Variants in N4BP2L2 observed in about 807,000 individuals in gnomAD.
N4BP2L2 encodes the protein NEDD4-binding protein 2-like 2.
In N4BP2L2, 50 loss-of-function variants were observed where a neutral mutation model predicts 56.2. The ratio of observed to expected loss-of-function variants is 0.89; its 90% CI spans 0.71 to 1.13. N4BP2L2 has a LOEUF of 1.13. N4BP2L2 is among the 50% of genes most tolerant of loss of function. The pLI is 0.00. For missense variants in N4BP2L2, 689 were observed against 693.8 expected (o/e 0.99, Z 0.08); for synonymous variants, 203 against 223.6 (o/e 0.91, Z 0.82).
intron 6 of N4BP2L2, among the ~76,000 whole-genome samples, chr13:32,473,809 T>G (rs916221757): frequency 2.0e-5 from 3 of 152,228 alleles, no homozygotes; most frequent in Non-Finnish European, 4.4e-5. Context: ...TCATCCACTT[T>G]TAAGGACCCT....
chr13:32,487,161 T>C (rs1489827132), intron 6 of N4BP2L2, among the ~76,000 whole-genome samples: 1 of 151,970 alleles, frequency 6.6e-6, no homozygotes, highest in Non-Finnish European at 1.5e-5. Context: ...ACCCCATCAC[T>C]AAAACAATTT....
At chr13:32,473,485 G>A (rs1172882788) in intron 6 of N4BP2L2, among the ~76,000 whole-genome samples, 1 of 152,156 alleles carries the variant, frequency 6.6e-6, no homozygotes, top group East Asian at 1.9e-4. Flanking sequence ...TATTGCTGCT[G>A]TAATAAGTGA....
At chr13:32,519,339 G>C (rs1235437203) in intron 5 of N4BP2L2, among the ~76,000 whole-genome samples, 1 of 151,832 alleles carries the variant, frequency 6.6e-6, no homozygotes, top group African/African-American at 2.4e-5. Flanking sequence ...AGTCCAGGAG[G>C]AAGAGGTTGC....
At chr13:32,538,816 G>T, upstream of N4BP2L2, 1 of 985,366 alleles carries the variant, frequency 1.0e-6, no homozygotes, top group Non-Finnish European at 1.2e-6. Context: ...CGGTTACCCA[G>T]GCCAAAACTA....
intron 6 of N4BP2L2, among the ~76,000 whole-genome samples, chr13:32,455,744 G>A (rs928293334): frequency 5.3e-5 from 8 of 152,090 alleles, no homozygotes; most frequent in Non-Finnish European, 1.2e-4. Flanking sequence ...ACTACCCTGG[G>A]GCCTGAGGAT....
intron 6 of N4BP2L2, among the ~76,000 whole-genome samples, chr13:32,451,028 C>T (rs2077921943): frequency 6.6e-6 from 1 of 151,852 alleles, no homozygotes; most frequent in African/African-American, 2.4e-5. Context: ...AAATGTGATA[C>T]TTAAAGGGAT....
chr13:32,481,799 T>C (rs1017155164), intron 6 of N4BP2L2, among the ~76,000 whole-genome samples: 13 of 152,220 alleles, frequency 8.5e-5, no homozygotes, highest in African/African-American at 3.1e-4. Context: ...TGTAAATACC[T>C]GACTCAGTCT....
At chr13:32,458,044 GTTTTGTTTTGTT>G (rs941196975) in intron 6 of N4BP2L2, among the ~76,000 whole-genome samples, 24 of 151,928 alleles carry the variant, frequency 1.6e-4, no homozygotes, top group Non-Finnish European at 2.4e-4. Flanking sequence ...TTTTTGTTTT[GTTTTGTTTTGTT>G]TTTTGTTTTG....
chr13:32,444,261 T>G, intron 6 of N4BP2L2: 1 of 613,538 alleles, frequency 1.6e-6, no homozygotes, highest in East Asian at 3.3e-5. Flanking sequence ...ACGTACTTTT[T>G]CTTTGTTTGT....
chr13:32,536,918 T>C, exon 2 of N4BP2L2: 4 of 1,614,112 alleles, frequency 2.5e-6, no homozygotes, highest in South Asian at 2.2e-5. Context: ...ATTACTATGA[T>C]TGTGAAAAAC....
chr13:32,474,703 C>G (rs975658900), intron 6 of N4BP2L2, among the ~76,000 whole-genome samples: 29 of 151,944 alleles, frequency 1.9e-4, no homozygotes, highest in African/African-American at 7.0e-4. Context: ...CCAGCCACCG[C>G]ACTAAAATAA....
intron 7 of N4BP2L2, among the ~76,000 whole-genome samples, chr13:32,441,825 C>T (rs999373985): frequency 2.7e-5 from 4 of 149,646 alleles, no homozygotes; most frequent in African/African-American, 7.3e-5. Flanking sequence ...GGGCGGATCA[C>T]GAGGTCAGGA....
chr13:32,455,858 A>C (rs1012067028), intron 6 of N4BP2L2, among the ~76,000 whole-genome samples: 1 of 152,110 alleles, frequency 6.6e-6, no homozygotes, highest in Admixed American at 6.5e-5. Context: ...CACCCACTCA[A>C]ATGTCCCACC....
chr13:32,536,425 T>C, exon 2 of N4BP2L2: 2 of 1,613,934 alleles, frequency 1.2e-6, no homozygotes, highest in Middle Eastern at 1.6e-4. Context: ...GAACAAATTG[T>C]TCCTGAGAAG....
chr13:32,512,988 C>T (rs892013578), exon 6 of N4BP2L2: 2 of 151,404 alleles, frequency 1.3e-5, no homozygotes, highest in Non-Finnish European at 2.9e-5. Flanking sequence ...GCCAAGATCG[C>T]GCCACTGGAC....
At chr13:32,484,954 T>G (rs7989796) in intron 6 of N4BP2L2, among the ~76,000 whole-genome samples, 8,721 of 152,228 alleles carry the variant, frequency 0.057, 846 homozygotes, top group African/African-American at 0.2. Flanking sequence ...AGAACACATT[T>G]ATAAAGAATA....
chr13:32,517,739 A>T, exon 6 of N4BP2L2: 1 of 1,580,288 alleles, frequency 6.3e-7, no homozygotes, highest in Non-Finnish European at 8.6e-7. Flanking sequence ...CTTAAACTCC[A>T]AGACAGGCTC....
At chr13:32,532,889 C>CT (rs35143353) in intron 2 of N4BP2L2, among the ~76,000 whole-genome samples, 90,756 of 145,536 alleles carry the variant, frequency 0.62, 29,937 homozygotes, top group Non-Finnish European at 0.74. Flanking sequence ...GGCACCCGGC[C>CT]TTTTTTTAAA....
intron 6 of N4BP2L2, among the ~76,000 whole-genome samples, chr13:32,467,148 A>G (rs2081372184): frequency 6.6e-6 from 1 of 152,228 alleles, no homozygotes; most frequent in African/African-American, 2.4e-5. Flanking sequence ...TTAACCTATT[A>G]AAAATATATC....
Sources: gnomAD v4.1 joint callset for allele counts (sites outside exome capture counted in the v4.1 genomes callset) on GRCh38, gnomAD v4.1.1 for gene constraint, MANE v1.5 for transcripts, NCBI Gene and HGNC (gene_info 2026-07-23, HGNC 2026-07-21) for gene names.